The following LRSAM1 variants were observed in gnomAD, a reference collection of about 807,000 sequenced individuals.
LRSAM1 encodes the protein leucine rich repeat and sterile alpha motif containing 1.
A neutral mutation model predicts 118.1 loss-of-function variants in LRSAM1; 96 were observed. That is an observed-to-expected ratio of 0.81 (90% CI 0.69 to 0.96). The LOEUF is 0.96. LRSAM1 is among the 40% of genes least tolerant of loss of function. The pLI is 0.00. For synonymous variants in LRSAM1, 322 were observed against 364.2 expected, an observed-to-expected ratio of 0.88 and a Z score of 1.32; for missense variants, 804 against 915.5, an observed-to-expected ratio of 0.88 and a Z score of 1.57.
intron 21 of LRSAM1, among the ~76,000 whole-genome samples, 195 bp downstream of exon 21, chr9:127,493,092 C>T (rs1418345427): frequency 6.6e-6 from 1 of 152,206 alleles, no homozygotes; most frequent in African/African-American, 2.4e-5. Flanking sequence ...GACAGGGTCT[C>T]ACTCTGTCGC....
At chr9:127,495,499 T>C (rs1836097887) in intron 22 of LRSAM1, 81 bp downstream of exon 22, 3 of 1,163,622 alleles carry the variant, frequency 2.6e-6, no homozygotes, top group African/African-American at 1.5e-5. Flanking sequence ...TCCACCATGC[T>C]CTGCCTCTTG....
chr9:127,470,783 T>C (rs1835137389), intron 10 of LRSAM1: 2 of 152,116 alleles, frequency 1.3e-5, no homozygotes, highest in East Asian at 1.9e-4. Flanking sequence ...CTCTTATCAG[T>C]CACCACAGAG....
At chr9:127,489,005 ATC>A (rs1290810924) in intron 18 of LRSAM1, among the ~76,000 whole-genome samples, 2 of 151,772 alleles carry the variant, frequency 1.3e-5, no homozygotes, top group Admixed American at 1.3e-4. Flanking sequence ...CCTAATTTCA[ATC>A]TCTGTTCTAA....
chr9:127,485,897 C>CCGTG, intron 17 of LRSAM1, 62 bp downstream of exon 17: 9 of 1,532,948 alleles, frequency 5.9e-6, no homozygotes, highest in Non-Finnish European at 8.1e-6. Flanking sequence ...GGGCCCAAGA[C>CCGTG]CGTGGGATGA....
intron 5 of LRSAM1, among the ~76,000 whole-genome samples, chr9:127,456,623 G>A (rs1362172369): frequency 6.6e-6 from 1 of 152,092 alleles, no homozygotes; most frequent in Non-Finnish European, 1.5e-5. Context: ...CCAGCACTTC[G>A]GGAGGCCGAG....
At chr9:127,468,334 A>T (rs770661016) in intron 10 of LRSAM1, among the ~76,000 whole-genome samples, 6 of 152,030 alleles carry the variant, frequency 3.9e-5, no homozygotes, top group Admixed American at 2.0e-4. Context: ...GGAAAGAAAG[A>T]GTGCAGGACA....
chr9:127,483,163 C>T, intron 16 of LRSAM1, 143 bp downstream of exon 16: 1 of 773,482 alleles, frequency 1.3e-6, no homozygotes, highest in East Asian at 2.7e-5. Flanking sequence ...CCATGGAGCA[C>T]AGGCTCTGGG....
In LRSAM1 at chr9:127,489,589, G is replaced by A. The variant is rs1396709570; in HGVS notation, c.1422+71G>A. The A allele has an allele frequency of 2.6e-6, 4 of 1,516,152 alleles. No individual in the cohort carries two copies. The East Asian group carries it at 9.6e-5, about 36-fold the overall frequency. The allele number at this position is 1,516,152 out of a possible 1,614,324, so 93.9% of individuals were successfully genotyped here. A position where few individuals can be genotyped will look rare whatever the true frequency, so the allele number is the denominator to read the frequency against. On this transcript the variant is annotated intron_variant, in intron 19 of 25. Transcript: ENST00000300417. Reference sequence around the variant, plus strand: ...TGCAGAGTGGCCCTCCAGGGCGGCAGGTCGCAGCAGTTGAGGTTTGAACCC... The same window carrying A: ...TGCAGAGTGGCCCTCCAGGGCGGCAAGTCGCAGCAGTTGAGGTTTGAACCC...
intron 10 of LRSAM1, among the ~76,000 whole-genome samples, chr9:127,469,885 A>G (rs1159076544): frequency 6.6e-6 from 1 of 152,136 alleles, no homozygotes; most frequent in Non-Finnish European, 1.5e-5. Flanking sequence ...GAATGGCGTG[A>G]ACCCGGGAGG....
chr9:127,483,040 G>A lies in LRSAM1; in HGVS notation c.1159+20G>A, dbSNP rs758268411. ...TTGCCTGTGAGTTTTGGGATGGGGA[G>A]CTTGTGAGCACGCTGCCTGCTGGCT... On this transcript the variant is annotated intron_variant, in intron 16 of 25. Coordinates refer to ENST00000300417, the MANE Select transcript of LRSAM1 (RefSeq NM_001005373.4). 8.1e-6 allele frequency: 13 copies of A among 1,606,210 alleles called. No individual in the cohort carries two copies. The African/African-American group carries it at 1.7e-4, about 21-fold the overall frequency.
At chr9:127,499,232 G>A (rs1325756494) in intron 24 of LRSAM1, among the ~76,000 whole-genome samples, 1 of 151,958 alleles carries the variant, frequency 6.6e-6, no homozygotes, top group East Asian at 1.9e-4. Flanking sequence ...AAAATTAGCT[G>A]GGTGTGGTGG....
At chr9:127,497,132 C>A in intron 23 of LRSAM1, 121 bp from the exon 24 acceptor site, 1 of 1,014,210 alleles carries the variant, frequency 9.9e-7, no homozygotes, top group Non-Finnish European at 1.5e-6. Flanking sequence ...CCCCGGAAGG[C>A]TTCCACATTT....
chr9:127,457,441 C>A, intron 6 of LRSAM1, 48 bp downstream of exon 6: 1 of 1,581,522 alleles, frequency 6.3e-7, no homozygotes. Context: ...TGGGGTTCCA[C>A]GCGGCAGCTG....
chr9:127,467,643 T>C (rs886176290), intron 9 of LRSAM1, 97 bp from the exon 10 acceptor site: 1 of 1,157,616 alleles, frequency 8.6e-7, no homozygotes, highest in Non-Finnish European at 1.3e-6. Context: ...TCCTGCTGGG[T>C]AGAGGTGACA....
intron 19 of LRSAM1, among the ~76,000 whole-genome samples, chr9:127,490,877 C>T (rs898832847): frequency 6.6e-6 from 1 of 152,150 alleles, no homozygotes; most frequent in African/African-American, 2.4e-5. Context: ...TCTGTCTGTG[C>T]TTTACTCTGG....
intron 11 of LRSAM1, among the ~76,000 whole-genome samples, chr9:127,477,744 T>C (rs1835390692): frequency 7.2e-6 from 1 of 139,804 alleles, no homozygotes; most frequent in African/African-American, 2.7e-5. Flanking sequence ...TGAGACTCCA[T>C]CACAAAGAAA....
At position 127,502,900 on chromosome 9, in the gene LRSAM1, G is replaced by C; in HGVS notation, c.*1G>C. The C allele has an allele frequency of 6.3e-7, 1 of 1,594,664 alleles. No individual in the cohort carries two copies. The highest frequency in any genetic ancestry group is 2.3e-5 in the East Asian group (1 of 43,708). On this transcript the variant is annotated 3_prime_UTR_variant, in exon 26 of 26. Transcript: ENST00000300417. Reference sequence around the variant, plus strand: ...CCTCCGCATCTACCACAGCAGCTGAGTGCTGCCCGCCCACCTGGGCCTGGT... The same window carrying C: ...CCTCCGCATCTACCACAGCAGCTGACTGCTGCCCGCCCACCTGGGCCTGGT...
chr9:127,461,933 C>A (rs530814374), intron 8 of LRSAM1, among the ~76,000 whole-genome samples: 1 of 152,354 alleles, frequency 6.6e-6, no homozygotes, highest in African/African-American at 2.4e-5. Context: ...ATGAGGGGCC[C>A]TGTGCGGAGG....
In LRSAM1 at chr9:127,489,463, C is replaced by T. The variant is rs1299851938; in HGVS notation, c.1367C>T (p.Ala456Val). 10 of 1,609,176 alleles carry T rather than the reference C, an allele frequency of 6.2e-6. No homozygotes were observed. The highest frequency in any genetic ancestry group is 2.2e-5 in the East Asian group (1 of 44,762). ...TTGCAGAGCGCGATGCAGAAGGCTG[C>T]GTTCGAGGCACTCCAGGTGAAGAAA... ...ILQESAMQKAAFEALQVKKDL... is the reference protein window; with the variant it reads ...ILQESAMQKAVFEALQVKKDL... The change falls in exon 19 of 26, where the codon GCG becomes GTG. Residue 456 changes from alanine to valine, a missense_variant. Transcript: ENST00000300417.
Sources: gnomAD v4.1 joint callset for allele counts (sites outside exome capture counted in the v4.1 genomes callset) on GRCh38, gnomAD v4.1.1 for gene constraint, MANE v1.5 for transcripts, NCBI Gene and HGNC (gene_info 2026-07-23, HGNC 2026-07-21) for gene names.